Variants in OIT3 observed in about 807,000 individuals in gnomAD.
OIT3 encodes oncoprotein-induced transcript 3 protein.
OIT3 carries 41 observed loss-of-function variants against 52.2 expected under a neutral mutation model. That is an observed-to-expected ratio of 0.79 (90% CI 0.61 to 1.02). OIT3 has a LOEUF of 1.02. OIT3 is among the 50% of genes least tolerant of loss of function. The pLI, the probability that OIT3 is intolerant of heterozygous loss-of-function variation, is 0.00. For missense variants in OIT3, 634 were observed against 715.5 expected (o/e 0.89, Z 1.30); for synonymous variants, 244 against 276.9 (o/e 0.88, Z 1.18).
chr10:72,911,037 A>G (rs1232638791), intron 4 of OIT3, among the ~76,000 whole-genome samples: 2 of 152,080 alleles, frequency 1.3e-5, no homozygotes, highest in East Asian at 1.9e-4. Flanking sequence ...TTTTGTTTTC[A>G]ATGGAATATT....
chr10:72,899,116 G>A (rs1845904103), intron 2 of OIT3, 78 bp downstream of exon 2: 2 of 1,328,392 alleles, frequency 1.5e-6, no homozygotes, highest in Non-Finnish European at 2.1e-6. Context: ...TATAGGATAT[G>A]CAGTTACAGT....
chr10:72,929,102 T>C (rs1312943025), intron 7 of OIT3, among the ~76,000 whole-genome samples: 2 of 151,930 alleles, frequency 1.3e-5, no homozygotes, highest in African/African-American at 4.8e-5. Context: ...ACTGAGGGGC[T>C]GAGGCAGGAG....
At chr10:72,907,148 T>C (rs1845987847) in intron 4 of OIT3, among the ~76,000 whole-genome samples, 1 of 152,042 alleles carries the variant, frequency 6.6e-6, no homozygotes. Flanking sequence ...TAGTGCATGC[T>C]TGTAGTCCCA....
At position 72,913,708 on chromosome 10, in the gene OIT3, C is replaced by T. The variant is rs1341975346; in HGVS notation, c.951+240C>T. On this transcript the variant is annotated intron_variant, in intron 6 of 8. Transcript: ENST00000334011. ...CAAATAGTCCCATCTCTCCAGCATG[C>T]ACAGACATTTTCCTGAATGCATCAG... 9.7e-6 allele frequency: 6 copies of T among 619,710 alleles called. No individual in the cohort carries two copies. The Admixed American group carries it at 1.1e-4, about 11-fold the overall frequency. The allele number at this position is 619,710 out of a possible 1,614,324, so 38.4% of individuals were successfully genotyped here. A position where few individuals can be genotyped will look rare whatever the true frequency, so the allele number is the denominator to read the frequency against.
In OIT3 at chr10:72,901,173, T is replaced by C. The variant is rs1159034214; in HGVS notation, c.544+689T>C. ...TATTATTAAAATTAATTTCGCCAGT[T>C]TATTTTTAAAAAATTTTAATATGAC... is the stretch of plus-strand genomic sequence containing the variant. On this transcript the variant is annotated intron_variant, in intron 3 of 8. Transcript: ENST00000334011. Among the ~76,000 whole-genome samples the C allele has an allele frequency of 2.0e-5, 3 of 152,170 alleles. No homozygotes were observed. The East Asian group carries it at 5.8e-4, about 29-fold the overall frequency.
chr10:72,932,291 T>TGTAA, intron 8 of OIT3, 63 bp from the exon 9 acceptor site: 1 of 1,439,464 alleles, frequency 6.9e-7, no homozygotes, highest in Non-Finnish European at 9.8e-7. Context: ...TATTGTGTCT[T>TGTAA]GTAAGTGCCC....
intron 2 of OIT3, among the ~76,000 whole-genome samples, chr10:72,899,751 AGATAGATG>A (rs200249840): frequency 0.015 from 2,019 of 134,942 alleles, 62 homozygotes; most frequent in African/African-American, 0.054. Flanking sequence ...ATAGATAGAT[AGATAGATG>A]ATAGATAGAT....
chr10:72,922,377 CT>C (rs1016894604), intron 6 of OIT3, among the ~76,000 whole-genome samples: 3 of 151,974 alleles, frequency 2.0e-5, no homozygotes, highest in Non-Finnish European at 4.4e-5. Flanking sequence ...TTGTTCATTC[CT>C]TTTTATTCCT....
At chr10:72,909,117 C>CTTTTTTTTTTTTTTTTTT in intron 4 of OIT3, among the ~76,000 whole-genome samples, 1 of 111,764 alleles carries the variant, frequency 8.9e-6, no homozygotes, top group Non-Finnish European at 1.9e-5. Context: ...TTCCCAGTGT[C>CTTTTTTTTTTTTTTTTTT]TTTTTTTTTT....
At chr10:72,898,541 C>A in intron 1 of OIT3, 123 bp from the exon 2 acceptor site, 2 of 899,214 alleles carry the variant, frequency 2.2e-6, no homozygotes, top group East Asian at 2.4e-5. Context: ...TTTTTGTGAC[C>A]TTAACTAATT....
chr10:72,900,602 G>A (rs1216531906), intron 3 of OIT3, 118 bp downstream of exon 3: 1 of 628,900 alleles, frequency 1.6e-6, no homozygotes, highest in African/African-American at 1.8e-5. Flanking sequence ...ACTTGGAATG[G>A]TGTTTGCTTT....
chr10:72,931,941 A>G (rs1181407840), intron 8 of OIT3, among the ~76,000 whole-genome samples: 1 of 152,212 alleles, frequency 6.6e-6, no homozygotes, highest in Non-Finnish European at 1.5e-5. Context: ...AGTTACCTAC[A>G]GAAAGGTGCT....
At chr10:72,929,699 G>A (rs73288650) in intron 7 of OIT3, among the ~76,000 whole-genome samples, 6,004 of 151,254 alleles carry the variant, frequency 0.04, 399 homozygotes, top group African/African-American at 0.14. Context: ...GCACCATGAC[G>A]CCTGGCTAAC....
chr10:72,924,120 C>A (rs1475004721), intron 6 of OIT3, 109 bp from the exon 7 acceptor site: 2 of 975,128 alleles, frequency 2.1e-6, no homozygotes, highest in Admixed American at 2.4e-5. Flanking sequence ...GCAACCAAAT[C>A]TCTAATGTGT....
intron 3 of OIT3, among the ~76,000 whole-genome samples, chr10:72,906,087 G>A (rs1335115556): frequency 6.6e-6 from 1 of 152,176 alleles, no homozygotes; most frequent in Non-Finnish European, 1.5e-5. Context: ...AGCAATCATT[G>A]CTTAAGTACA....
At chr10:72,907,771 G>A (rs967118446) in intron 4 of OIT3, among the ~76,000 whole-genome samples, 1 of 152,004 alleles carries the variant, frequency 6.6e-6, no homozygotes, top group South Asian at 2.1e-4. Context: ...TTTACTTTTA[G>A]ATCTATTTTT....
intron 6 of OIT3, among the ~76,000 whole-genome samples, chr10:72,919,315 C>T (rs1846101410): frequency 6.6e-6 from 1 of 152,252 alleles, no homozygotes; most frequent in Non-Finnish European, 1.5e-5. Flanking sequence ...TCTGAGACTG[C>T]TGAAGTTGTT....
At chr10:72,906,494 T>C (rs1434463095) in intron 3 of OIT3, 102 bp from the exon 4 acceptor site, 1 of 1,269,338 alleles carries the variant, frequency 7.9e-7, no homozygotes, top group East Asian at 2.4e-5. Flanking sequence ...TGGTGGAAGG[T>C]GCATCAACAG....
Position 72,913,429 on chromosome 10 carries a change from C to T in OIT3, c.912C>T (p.Asn304=), listed in dbSNP as rs1376439145. ...GAGTGTCCAACGGCACCCATGTCAA[C>T]ATCCTCTTCTCTCTCAAGACATGTG... ...CRGVSNGTHV[N]ILFSLKTCGT... is the part of the protein sequence containing the mutation. The change falls in exon 6 of 9, where the codon AAC becomes AAT. Residue 304 remains asparagine, a synonymous_variant. Transcript: ENST00000334011. 6.2e-7 allele frequency: 1 copy of T among 1,613,090 alleles called. No individual in the cohort carries two copies. The highest frequency in any genetic ancestry group is 1.1e-5 in the South Asian group (1 of 90,988).
Sources: gnomAD v4.1 joint callset for allele counts (sites outside exome capture counted in the v4.1 genomes callset) on GRCh38, gnomAD v4.1.1 for gene constraint, MANE v1.5 for transcripts, NCBI Gene and HGNC (gene_info 2026-07-23, HGNC 2026-07-21) for gene names.